Variants in PCDHGB4 observed in about 807,000 individuals in gnomAD.
PCDHGB4 encodes the protein protocadherin gamma-B4.
PCDHGB4 carries 38 observed loss-of-function variants against 60.5 expected under a neutral mutation model. That is an observed-to-expected ratio of 0.63 (90% CI 0.48 to 0.82). The LOEUF (loss-of-function observed/expected upper bound fraction) is 0.82. PCDHGB4 is among the 40% of genes least tolerant of loss of function. The pLI is 0.00. For synonymous variants in PCDHGB4, 456 were observed against 509.7 expected (o/e 0.89, Z 1.42); for missense variants, 1,109 against 1,209.6 (o/e 0.92, Z 1.23).
intron 1 of PCDHGB4, among the ~76,000 whole-genome samples, chr5:141,401,908 T>C (rs942184637): frequency 1.3e-5 from 2 of 152,238 alleles, no homozygotes; most frequent in Admixed American, 1.3e-4. Flanking sequence ...CAAATTATTA[T>C]ATAAGTTTAA....
Position 141,415,740 on chromosome 5 carries a change from G to GTTTTTT in PCDHGB4, c.2397+25486_2397+25491dup, listed in dbSNP as rs57426385. ...TGAGTAGAATTTGATGTTTATTAAGGTTTTTTTTTTTTTTTTTTTTTTTTT... is the reference window on the plus strand; with the variant it reads ...TGAGTAGAATTTGATGTTTATTAAGGTTTTTTTTTTTTTTTTTTTTTTTTTTTTTTT... On this transcript the variant is annotated intron_variant, in intron 1 of 3. Transcript: ENST00000519479. 6.6e-4 allele frequency: 412 copies of GTTTTTT among 624,836 alleles called. 3 individuals carry two copies. The highest frequency in any genetic ancestry group is 1.2e-3 in the African/African-American group (49 of 39,912). The allele number at this position is 624,836 out of a possible 1,614,324, so 38.7% of individuals were successfully genotyped here.
chr5:141,398,841 TC>T (rs1383151737), intron 1 of PCDHGB4: 5 of 1,613,612 alleles, frequency 3.1e-6, no homozygotes, highest in African/African-American at 1.3e-5. Flanking sequence ...CCAATGATAA[TC>T]CCCCGGTATT....
intron 1 of PCDHGB4, chr5:141,417,532 TA>T (rs1457524771): frequency 6.7e-5 from 19 of 284,780 alleles, no homozygotes; most frequent in South Asian, 1.5e-4. Context: ...ACTCGTAGTT[TA>T]AAAAAAATTC....
intron 1 of PCDHGB4, among the ~76,000 whole-genome samples, chr5:141,474,294 G>A (rs535055214): frequency 1.3e-5 from 2 of 152,296 alleles, no homozygotes; most frequent in African/African-American, 4.8e-5. Context: ...CTAGATCAGT[G>A]CTTGTCAAAC....
intron 1 of PCDHGB4, chr5:141,423,665 G>A: frequency 6.6e-7 from 1 of 1,512,226 alleles, no homozygotes; most frequent in Non-Finnish European, 8.9e-7. Flanking sequence ...AATCAGGTGA[G>A]ATTTATTTCT....
At chr5:141,497,077 G>A (rs191605427) in intron 2 of PCDHGB4, among the ~76,000 whole-genome samples, 4 of 151,990 alleles carry the variant, frequency 2.6e-5, no homozygotes, top group East Asian at 3.9e-4. Flanking sequence ...TAATCCCAGC[G>A]ACTTAGGAGG....
At position 141,393,369 on chromosome 5, in the gene PCDHGB4, G is replaced by A. The variant is rs748036677; in HGVS notation, c.2397+3088G>A. 19 of 1,613,962 alleles carry A rather than the reference G, an allele frequency of 1.2e-5. No homozygotes were observed. In the South Asian group the frequency reaches 2.0e-4, roughly 17 times the overall value. Reference sequence around the variant, plus strand: ...CTTCTCCCTGGACGTGCAGACTGGAGACAATGGAGCCATAAACCCAGAGCT... The same window carrying A: ...CTTCTCCCTGGACGTGCAGACTGGAAACAATGGAGCCATAAACCCAGAGCT... On this transcript the variant is annotated intron_variant, in intron 1 of 3. Coordinates refer to ENST00000519479, the MANE Select transcript of PCDHGB4 (RefSeq NM_003736.4).
At chr5:141,461,830 CTT>C (rs1030113508) in intron 1 of PCDHGB4, among the ~76,000 whole-genome samples, 1 of 145,180 alleles carries the variant, frequency 6.9e-6, no homozygotes, top group Non-Finnish European at 1.5e-5. Context: ...ATTTTTTTTT[CTT>C]TTTTTTTTGA....
intron 1 of PCDHGB4, chr5:141,428,105 G>A: frequency 1.9e-6 from 3 of 1,608,184 alleles, no homozygotes; most frequent in Admixed American, 1.7e-5. Flanking sequence ...ACCACGTGCT[G>A]CAGGCCATCG....
rs2099609528 is a variant in PCDHGB4 at position 141,485,211 on chromosome 5, G to A, written c.2398-9596G>A. 6.2e-7 allele frequency: 1 copy of A among 1,614,126 alleles called. No individual in the cohort carries two copies. The highest frequency in any genetic ancestry group is 8.5e-7 in the Non-Finnish European group (1 of 1,179,980). Reference sequence around the variant, plus strand: ...GTGAGAAGCTGGACAGAAATCTGGCGGTGGGCTACCCTTTTGTTCCTCTTT... The same window carrying A: ...GTGAGAAGCTGGACAGAAATCTGGCAGTGGGCTACCCTTTTGTTCCTCTTT... On this transcript the variant is annotated intron_variant, in intron 1 of 3. Transcript: ENST00000519479. This position sits in a 1 kb window ranked among gnomAD's most constrained non-coding sequence, Gnocchi z 5.7.
intron 1 of PCDHGB4, among the ~76,000 whole-genome samples, chr5:141,450,812 T>A (rs2098694727): frequency 7.5e-6 from 1 of 133,924 alleles, no homozygotes; most frequent in Admixed American, 7.4e-5. Context: ...ATTTATTTAT[T>A]TAATATTATT....
At chr5:141,421,407 G>T in intron 1 of PCDHGB4, 1 of 1,614,076 alleles carries the variant, frequency 6.2e-7, no homozygotes. Flanking sequence ...CCCGGGAGCT[G>T]GCGAAGCGCG....
chr5:141,443,827 G>A (rs1425599112), intron 1 of PCDHGB4, among the ~76,000 whole-genome samples: 1 of 152,054 alleles, frequency 6.6e-6, no homozygotes, highest in African/African-American at 2.4e-5. Context: ...ACATAATTAG[G>A]TAAAATGGGT....
At chr5:141,435,413 A>G (rs1422263053) in intron 1 of PCDHGB4, among the ~76,000 whole-genome samples, 1 of 152,122 alleles carries the variant, frequency 6.6e-6, no homozygotes, top group Admixed American at 6.5e-5. Flanking sequence ...GGTAAAGACT[A>G]TTTTTCACTT....
chr5:141,400,682 G>C (rs778099324), intron 1 of PCDHGB4: 10 of 835,140 alleles, frequency 1.2e-5, no homozygotes, highest in Non-Finnish European at 1.7e-5. Context: ...AGTAAATTGT[G>C]AGTTTTTATG....
intron 1 of PCDHGB4, 134 bp from the exon 2 acceptor site, chr5:141,494,673 C>A: frequency 6.5e-7 from 1 of 1,542,992 alleles, no homozygotes; most frequent in South Asian, 1.2e-5. Flanking sequence ...GATGAGTCCA[C>A]CCCTGCCCCC....
At chr5:141,448,602 A>G (rs1350132402) in intron 1 of PCDHGB4, among the ~76,000 whole-genome samples, 1 of 152,154 alleles carries the variant, frequency 6.6e-6, no homozygotes, top group Non-Finnish European at 1.5e-5. Flanking sequence ...AAAATACTAT[A>G]CACCACTTTA....
intron 1 of PCDHGB4, chr5:141,441,387 G>A (rs2098243952): frequency 6.5e-6 from 1 of 153,712 alleles, no homozygotes; most frequent in Non-Finnish European, 1.5e-5. Flanking sequence ...CAGACCCAAG[G>A]TATAACATCA....
intron 1 of PCDHGB4, among the ~76,000 whole-genome samples, chr5:141,439,221 T>G (rs145700274): frequency 1.2e-3 from 182 of 151,852 alleles, no homozygotes; most frequent in African/African-American, 4.3e-3. Flanking sequence ...ATGTGAAAAT[T>G]CTTAGAAGCT....
Sources: gnomAD v4.1 joint callset for allele counts (sites outside exome capture counted in the v4.1 genomes callset) on GRCh38, gnomAD v4.1.1 for gene constraint, Gnocchi (gnomAD v3.1) non-coding constraint, MANE v1.5 for transcripts, NCBI Gene and HGNC (gene_info 2026-07-23, HGNC 2026-07-21) for gene names.